CDK14: variants seen among roughly 807,000 people sequenced by gnomAD.
CDK14 encodes the protein cyclin-dependent kinase 14.
A neutral mutation model predicts 60.7 loss-of-function variants in CDK14; 34 were observed. The ratio of observed to expected loss-of-function variants is 0.56; its 90% CI spans 0.43 to 0.75. The LOEUF is 0.75. Ranked by LOEUF, CDK14 falls within the 30% of genes least tolerant of loss-of-function variation. CDK14 has a pLI of 0.00. For missense variants in CDK14, 482 were observed against 564.1 expected, an observed-to-expected ratio of 0.85 and a Z score of 1.47; for synonymous variants, 197 against 203.7, an observed-to-expected ratio of 0.97 and a Z score of 0.28.
chr7:90,963,067 A>G (rs965352733), intron 9 of CDK14, among the ~76,000 whole-genome samples: 4 of 142,794 alleles, frequency 2.8e-5, no homozygotes, highest in African/African-American at 1.1e-4. Flanking sequence ...TTTTTGGCCC[A>G]GGATATTCTC....
intron 12 of CDK14, among the ~76,000 whole-genome samples, chr7:91,106,953 A>G (rs1799321178): frequency 6.6e-6 from 1 of 152,214 alleles, no homozygotes; most frequent in African/African-American, 2.4e-5. Flanking sequence ...ATAGAAAGTC[A>G]TTACCATTCT....
At chr7:91,202,522 C>T (rs1427172714) in intron 14 of CDK14, among the ~76,000 whole-genome samples, 1 of 152,126 alleles carries the variant, frequency 6.6e-6, no homozygotes. Context: ...ATTTCACTTC[C>T]CTGTGATTGT....
At chr7:91,022,135 C>T (rs1324435665) in intron 10 of CDK14, among the ~76,000 whole-genome samples, 2 of 152,152 alleles carry the variant, frequency 1.3e-5, no homozygotes, top group Admixed American at 6.5e-5. Flanking sequence ...CAGGAAAGTG[C>T]CAGAGGCTGA....
rs148957543 is a variant in CDK14, at chr7:90,901,402, C to T, written c.702+2049C>T. On this transcript the variant is annotated intron_variant, in intron 7 of 14. Transcript: ENST00000380050. ...CTTGGAAGTTGTTTAACATGGTCAC[C>T]GATAGATGACTTACTACATTTTTGT... is the stretch of plus-strand genomic sequence containing the variant. Among the ~76,000 whole-genome samples, 637 of 152,022 alleles carry T rather than the reference C, an allele frequency of 4.2e-3. 3 individuals carry two copies. The highest frequency in any genetic ancestry group is 5.0e-3 in the Non-Finnish European group (339 of 67,988).
intron 4 of CDK14, among the ~76,000 whole-genome samples, chr7:90,751,286 C>T (rs1181074438): frequency 6.6e-6 from 1 of 151,946 alleles, no homozygotes; most frequent in African/African-American, 2.4e-5. Flanking sequence ...AAAGCAAGAT[C>T]ACATATAAAG....
intron 2 of CDK14, among the ~76,000 whole-genome samples, chr7:90,627,677 T>A (rs1799905807): frequency 6.6e-6 from 1 of 152,190 alleles, no homozygotes; most frequent in South Asian, 2.1e-4. Flanking sequence ...TTAGAAAAAC[T>A]AATTGTGGGA....
rs560921701 is a variant in CDK14 at position 90,629,377 on chromosome 7, C to T, written c.123+25128C>T. On this transcript the variant is annotated intron_variant, in intron 2 of 14. Coordinates refer to ENST00000380050, the MANE Select transcript of CDK14 (RefSeq NM_001287135.2). ...TTAATGTCACTTTCCCCACTGTGCT[C>T]TAAGCTCTTGCTCTGTATTTTTAAT... 2.0e-5 allele frequency among the ~76,000 whole-genome samples: 3 copies of T among 152,320 alleles called. No individual in the cohort carries two copies. The East Asian group carries it at 5.8e-4, about 29-fold the overall frequency.
intron 7 of CDK14, among the ~76,000 whole-genome samples, chr7:90,902,329 C>T (rs557449032): frequency 3.3e-5 from 5 of 152,180 alleles, no homozygotes; most frequent in African/African-American, 4.8e-5. Context: ...CTTCATACTA[C>T]GTGACTTCAA....
intron 13 of CDK14, among the ~76,000 whole-genome samples, chr7:91,116,314 A>G (rs1799609826): frequency 6.6e-6 from 1 of 152,202 alleles, no homozygotes; most frequent in African/African-American, 2.4e-5. Flanking sequence ...AAATCGGTAC[A>G]GTGTGAAGAG....
chr7:90,626,635 A>G (rs1046046418), intron 2 of CDK14, among the ~76,000 whole-genome samples: 6 of 152,234 alleles, frequency 3.9e-5, no homozygotes, highest in Admixed American at 2.6e-4. Context: ...TTTTTCTTGT[A>G]GTTACGTTAA....
At chr7:90,907,238 A>G (rs573060098) in intron 7 of CDK14, among the ~76,000 whole-genome samples, 1 of 152,130 alleles carries the variant, frequency 6.6e-6, no homozygotes, top group Admixed American at 6.6e-5. Flanking sequence ...CTCCCTTTAA[A>G]GACCATTCAC....
chr7:90,826,326 C>T (rs745827195), intron 5 of CDK14, among the ~76,000 whole-genome samples: 2 of 152,154 alleles, frequency 1.3e-5, no homozygotes, highest in East Asian at 1.9e-4. Flanking sequence ...TCAAGCAATT[C>T]TCCTGCCTCA....
intron 14 of CDK14, among the ~76,000 whole-genome samples, chr7:91,158,733 C>T (rs1030876705): frequency 6.6e-6 from 1 of 152,004 alleles, no homozygotes; most frequent in Admixed American, 6.6e-5. Context: ...GTAAGTGGTC[C>T]CTCTACCCCG....
chr7:90,946,886 C>T (rs554255665), intron 8 of CDK14, among the ~76,000 whole-genome samples: 4 of 152,232 alleles, frequency 2.6e-5, no homozygotes, highest in Admixed American at 1.3e-4. Flanking sequence ...TTCCATTTCC[C>T]GCTGTTACCC....
In CDK14 at chr7:90,665,283, C is replaced by CATAAATAA. The variant is rs58390868; in HGVS notation, c.123+61051_123+61058dup. On this transcript the variant is annotated intron_variant, in intron 2 of 14. Transcript: ENST00000380050. ...CCGGCAACAGAGTGAGACACTGTCT[C>CATAAATAA]ATAAATAAATAAATAAATAAATAAT... Among the ~76,000 whole-genome samples, 1,341 of 150,274 alleles carry CATAAATAA rather than the reference C, an allele frequency of 8.9e-3. 33 individuals carry two copies. In the East Asian group the frequency reaches 0.11, roughly 12 times the overall value.
chr7:91,028,094 T>C (rs1275406048), intron 10 of CDK14, among the ~76,000 whole-genome samples: 2 of 150,294 alleles, frequency 1.3e-5, no homozygotes, highest in Non-Finnish European at 3.0e-5. Context: ...ACCATTCTTA[T>C]GCTTTTGCAT....
In CDK14 at chr7:91,190,992, C is replaced by G. The variant is rs563887526; in HGVS notation, c.*29-16173C>G. 1.7e-4 allele frequency among the ~76,000 whole-genome samples: 26 copies of G among 152,184 alleles called. No individual in the cohort carries two copies. In the South Asian group the frequency reaches 5.4e-3, roughly 32 times the overall value. ...ATACGTGTCTGACCAGAGATCAACC[C>G]CACACTTTCAGATTTGAGGAGGGTC... On this transcript the variant is annotated intron_variant, in intron 14 of 14. Transcript: ENST00000380050.
intron 10 of CDK14, among the ~76,000 whole-genome samples, chr7:90,986,781 A>G (rs1795382863): frequency 6.6e-6 from 1 of 152,006 alleles, no homozygotes; most frequent in Non-Finnish European, 1.5e-5. Context: ...TAATGATAAT[A>G]ATAGTATAAC....
intron 2 of CDK14, among the ~76,000 whole-genome samples, chr7:90,663,281 A>G (rs773911019): frequency 3.9e-5 from 6 of 152,192 alleles, no homozygotes; most frequent in Admixed American, 3.3e-4. Flanking sequence ...ACTCTCTCTC[A>G]GAAATTGAGT....
Sources: allele counts gnomAD v4.1 joint callset (sites outside exome capture counted in the v4.1 genomes callset), GRCh38; gene constraint gnomAD v4.1.1; transcripts MANE v1.5; gene names NCBI Gene and HGNC (gene_info 2026-07-23, HGNC 2026-07-21).